ATP11C: variants seen among roughly 807,000 people sequenced by gnomAD.
ATP11C encodes phospholipid-transporting ATPase IG.
A neutral mutation model predicts 97.4 loss-of-function variants in ATP11C; 36 were observed. That is an observed-to-expected ratio of 0.37 (90% confidence interval 0.28 to 0.49). The LOEUF is 0.49. Among genes scored for constraint, ATP11C ranks in the 20% least tolerant of loss-of-function variants. The pLI is 0.98. For synonymous variants in ATP11C, 275 were observed against 290.9 expected, an observed-to-expected ratio of 0.95 and a Z score of 0.56; for missense variants, 730 against 824.6, an observed-to-expected ratio of 0.89 and a Z score of 1.40.
intron 1 of ATP11C, among the ~76,000 whole-genome samples, chrX:139,906,736 C>CAT (rs1295768548): frequency 9.2e-6 from 1 of 108,581 alleles, no homozygotes; most frequent in Admixed American, 9.9e-5. Flanking sequence ...GAGCCGAGAT[C>CAT]ATACCACTGC....
At chrX:139,867,204 C>T (rs182250330) in intron 1 of ATP11C, among the ~76,000 whole-genome samples, 2 of 112,097 alleles carry the variant, frequency 1.8e-5, no homozygotes, top group East Asian at 5.6e-4. Flanking sequence ...GAGAACACAA[C>T]AGTTTAAAAA....
intron 1 of ATP11C, among the ~76,000 whole-genome samples, chrX:139,889,418 G>C (rs2084695142): frequency 8.9e-6 from 1 of 111,884 alleles, no homozygotes; most frequent in Non-Finnish European, 1.9e-5. Flanking sequence ...TGGCAGTTTA[G>C]GGAGGGGACT....
intron 1 of ATP11C, among the ~76,000 whole-genome samples, chrX:139,840,509 C>T (rs1270337197): frequency 1.8e-5 from 2 of 112,033 alleles, no homozygotes; most frequent in Admixed American, 1.9e-4. Flanking sequence ...GGCTTTAGGC[C>T]AGAGATATAA....
At chrX:139,919,477 A>G (rs1689456738) in intron 1 of ATP11C, among the ~76,000 whole-genome samples, 1 of 109,207 alleles carries the variant, frequency 9.2e-6, no homozygotes, top group Non-Finnish European at 1.9e-5. Context: ...ACACACACAC[A>G]CACACACACA....
At chrX:139,780,806 A>G (rs1243371790) in intron 18 of ATP11C, among the ~76,000 whole-genome samples, 1 of 112,247 alleles carries the variant, frequency 8.9e-6, no homozygotes, top group African/African-American at 3.2e-5. Context: ...CACTATCCTA[A>G]GTGAAATAAC....
intron 1 of ATP11C, among the ~76,000 whole-genome samples, chrX:139,888,226 C>T (rs922192757): frequency 1.9e-5 from 2 of 107,413 alleles, no homozygotes; most frequent in Non-Finnish European, 3.8e-5. Flanking sequence ...CTCTGCCTCC[C>T]GGGTTCAGGT....
At chrX:139,905,924 G>C (rs1420479176) in intron 1 of ATP11C, among the ~76,000 whole-genome samples, 1 of 111,411 alleles carries the variant, frequency 9.0e-6, no homozygotes, top group Admixed American at 9.6e-5. Context: ...GCTAATTGAA[G>C]TTAACTAGAG....
At position 139,808,051 on chromosome X, in the gene ATP11C, C is replaced by G. The variant is rs761157207; in HGVS notation, c.427-3452G>C. 2.8e-5 allele frequency among the ~76,000 whole-genome samples: 3 copies of G among 108,539 alleles called. No individual in the cohort carries two copies. The South Asian group carries it at 1.2e-3, about 43-fold the overall frequency. 94.3% of individuals were successfully genotyped at this position (108,539 alleles called of 115,157 possible). A position where few individuals can be genotyped will look rare whatever the true frequency, so the allele number is the denominator to read the frequency against. On this transcript the variant is annotated intron_variant, in intron 5 of 29. Transcript: ENST00000682941. ...AACGAAGAATGCTGGCAGAGGGATA[C>G]TACAAAAAAATGAAAATGTAAAGTC...
chrX:139,747,781 A>C (rs1265566412), intron 24 of ATP11C, among the ~76,000 whole-genome samples: 1 of 111,905 alleles, frequency 8.9e-6, no homozygotes, highest in Non-Finnish European at 1.9e-5. Flanking sequence ...CCAGGGCTTC[A>C]TGTTCACAAA....
chrX:139,781,665 C>T (rs1198285890), intron 18 of ATP11C, among the ~76,000 whole-genome samples: 1 of 110,836 alleles, frequency 9.0e-6, no homozygotes, highest in Non-Finnish European at 1.9e-5. Context: ...TGCAGTGAGC[C>T]GAGATTGTGC....
chrX:139,893,639 G>A (rs181328523), intron 1 of ATP11C, among the ~76,000 whole-genome samples: 12 of 110,029 alleles, frequency 1.1e-4, no homozygotes, highest in Non-Finnish European at 1.7e-4. Flanking sequence ...CTGAACCACA[G>A]ATTTAGATGG....
intron 24 of ATP11C, among the ~76,000 whole-genome samples, chrX:139,746,236 G>A (rs1435122964): frequency 9.1e-6 from 1 of 110,290 alleles, no homozygotes; most frequent in South Asian, 3.7e-4. Flanking sequence ...CTAATAATAA[G>A]GAGCCTCAGA....
chrX:139,781,809 C>T (rs778767662), intron 18 of ATP11C, among the ~76,000 whole-genome samples: 2 of 112,197 alleles, frequency 1.8e-5, no homozygotes, highest in East Asian at 5.6e-4. Context: ...ATTAAGCTCT[C>T]ATGTTGTTCA....
rs2081260006 is a variant in ATP11C at position 139,726,809 on chromosome X, T to C, written c.*2157A>G. 1 of 111,711 alleles carries C rather than the reference T, an allele frequency of 9.0e-6. No individual in the cohort carries two copies. Among genetic ancestry groups the C allele is most frequent in the African/African-American group, 3.3e-5 (1 of 30,729 alleles). 9.2% of individuals were successfully genotyped at this position (111,711 alleles called of 1,213,427 possible). A position where few individuals can be genotyped will look rare whatever the true frequency, so the allele number is the denominator to read the frequency against. On this transcript the variant is annotated 3_prime_UTR_variant, in exon 30 of 30. Coordinates refer to ENST00000682941, the MANE Select transcript of ATP11C (RefSeq NM_001353812.2). The stretch of plus-strand genomic sequence containing the variant: ...TTTTTTTCCCTTTCTCTGTCACAAA[T>C]AGGGTGATTACATTGAGTGCTAGGA...
chrX:139,803,593 C>G (rs2082972278), intron 6 of ATP11C, among the ~76,000 whole-genome samples: 1 of 107,105 alleles, frequency 9.3e-6, no homozygotes, highest in South Asian at 4.2e-4. Context: ...AAGTCACTTG[C>G]AATTATAAAT....
In ATP11C at chrX:139,903,237, G is replaced by A. The variant is rs184420208; in HGVS notation, c.27+28779C>T. Among the ~76,000 whole-genome samples the A allele has an allele frequency of 4.5e-4, 50 of 111,746 alleles. 1 individual carries two copies. In the South Asian group the frequency reaches 6.4e-3, roughly 14 times the overall value. On this transcript the variant is annotated intron_variant, in intron 1 of 29. Coordinates refer to ENST00000682941, the MANE Select transcript of ATP11C (RefSeq NM_001353812.2). Reference sequence around the variant, plus strand: ...ATGGTATATACTGGTTTTCATCCACGGTTCCTGGCTCATAACTTCCATAGC... The same window carrying A: ...ATGGTATATACTGGTTTTCATCCACAGTTCCTGGCTCATAACTTCCATAGC...
chrX:139,837,704 G>A (rs2083769042), intron 1 of ATP11C, among the ~76,000 whole-genome samples: 1 of 112,125 alleles, frequency 8.9e-6, no homozygotes, highest in African/African-American at 3.2e-5. Context: ...CATTTGCATT[G>A]GTAGCATTAT....
At chrX:139,843,922 A>AG (rs1226207736) in intron 1 of ATP11C, among the ~76,000 whole-genome samples, 1 of 111,510 alleles carries the variant, frequency 9.0e-6, no homozygotes, top group African/African-American at 3.3e-5. Context: ...GAAAAAAAAA[A>AG]AAAACTGATG....
At chrX:139,805,139 G>A (rs1488431641) in intron 5 of ATP11C, among the ~76,000 whole-genome samples, 1 of 110,852 alleles carries the variant, frequency 9.0e-6, no homozygotes, top group East Asian at 2.8e-4. Flanking sequence ...TTTTTCTATA[G>A]GTCACTTTCT....
Sources: allele counts gnomAD v4.1 joint callset (sites outside exome capture counted in the v4.1 genomes callset), GRCh38; gene constraint gnomAD v4.1.1; transcripts MANE v1.5; gene names NCBI Gene and HGNC (gene_info 2026-07-23, HGNC 2026-07-21).